LPIN1: variants seen among roughly 807,000 people sequenced by gnomAD.
The protein encoded by LPIN1 is lipin 1.
In LPIN1, 71 loss-of-function variants were observed where a neutral mutation model predicts 107.5. The observed-to-expected ratio is 0.66, with a 90% confidence interval of 0.55 to 0.80. The LOEUF (loss-of-function observed/expected upper bound fraction) is 0.80. LPIN1 is among the 30% of genes least tolerant of loss of function. LPIN1 has a pLI of 0.00. For synonymous variants in LPIN1, 445 were observed against 452.6 expected (o/e 0.98, Z 0.21); for missense variants, 1,043 against 1,160.6 (o/e 0.90, Z 1.47).
In LPIN1 at chr2:11,779,612, T is replaced by C; in HGVS notation, c.924T>C (p.Leu308=). 1 of 1,614,158 alleles carries C rather than the reference T, an allele frequency of 6.2e-7. No homozygotes were observed. The highest frequency in any genetic ancestry group is 1.7e-5 in the Admixed American group (1 of 60,030). The part of the protein sequence containing the change: ...ERTGQKNPEM[L]WLWGELPQAA... Reference sequence around the variant, plus strand: ...CAGGGCAGAAGAACCCAGAAATGCTTTGGCTGTGGGGAGAGCTGCCGCAGG... The same window carrying C: ...CAGGGCAGAAGAACCCAGAAATGCTCTGGCTGTGGGGAGAGCTGCCGCAGG... Residue 308 remains leucine (L), a synonymous_variant, in exon 7 of 21, where the codon CTT becomes CTC. Transcript: ENST00000674199.
At chr2:11,692,486 T>G (rs749206347) in intron 1 of LPIN1, among the ~76,000 whole-genome samples, 8 of 152,384 alleles carry the variant, frequency 5.2e-5, no homozygotes, top group Non-Finnish European at 7.3e-5. Context: ...TGATGTTGAC[T>G]CAGTAGATTT....
chr2:11,693,410 T>C (rs1405139462), intron 1 of LPIN1, among the ~76,000 whole-genome samples: 1 of 152,078 alleles, frequency 6.6e-6, no homozygotes, highest in Non-Finnish European at 1.5e-5. Flanking sequence ...GGTCTAAATC[T>C]AGAGCCCTGC....
Position 11,795,437 on chromosome 2 carries a change from C to T in LPIN1, c.1836C>T (p.Gly612=), listed in dbSNP as rs1676517298. The change falls in exon 14 of 21, where the codon GGC becomes GGT. Residue 612 remains glycine (G), a synonymous_variant. Transcript: ENST00000674199. ...GTAAGCCAGAGCAGTGCTTGGCTGG[C>T]AAGGCCCATAGCACCGGAGAGCAAC... The part of the protein sequence containing the change: ...EESKPEQCLA[G]KAHSTGEQPP... The T allele has an allele frequency of 1.2e-6, 2 of 1,613,974 alleles. No homozygotes were observed. Among genetic ancestry groups the T allele is most frequent in the Non-Finnish European group, 8.5e-7 (1 of 1,180,020 alleles).
At chr2:11,701,488 C>G (rs1662871650) in intron 1 of LPIN1, among the ~76,000 whole-genome samples, 1 of 152,066 alleles carries the variant, frequency 6.6e-6, no homozygotes, top group Non-Finnish European at 1.5e-5. Flanking sequence ...CAGCGCCGGC[C>G]CAGGTGGCAC....
intron 14 of LPIN1, among the ~76,000 whole-genome samples, chr2:11,796,308 A>G (rs1676707353): frequency 6.6e-6 from 1 of 152,180 alleles, no homozygotes; most frequent in African/African-American, 2.4e-5. Flanking sequence ...TCACTGAACC[A>G]CTGAGGTTTT....
chr2:11,749,651 G>A (rs1441007337), intron 1 of LPIN1, among the ~76,000 whole-genome samples: 3 of 152,196 alleles, frequency 2.0e-5, no homozygotes, highest in African/African-American at 7.2e-5. Context: ...TGGCCCAGGA[G>A]TCTTAAAACC....
At chr2:11,798,137 A>G (rs1471805162) in intron 14 of LPIN1, among the ~76,000 whole-genome samples, 1 of 152,206 alleles carries the variant, frequency 6.6e-6, no homozygotes, top group Non-Finnish European at 1.5e-5. Flanking sequence ...GCCTTCAGCC[A>G]TGATTGTAAG....
chr2:11,736,333 C>T (rs529332198), intron 1 of LPIN1, among the ~76,000 whole-genome samples: 26 of 152,328 alleles, frequency 1.7e-4, no homozygotes, highest in Admixed American at 5.9e-4. Flanking sequence ...ACTGGGGTGC[C>T]GGCAGGGTTG....
rs1208796065 is a variant in LPIN1, at chr2:11,765,349, G to GCCCTGATGGGCCCTGATGGA, written c.-9-172_-9-153dup. ...GATGGACACTGATGGGCCGTGATGGGCCCTGATGGGCCCTGATGGACCCTG... is the reference window on the plus strand; with the variant it reads ...GATGGACACTGATGGGCCGTGATGGGCCCTGATGGGCCCTGATGGACCCTGATGGGCCCTGATGGACCCTG... On this transcript the variant is annotated intron_variant, in intron 1 of 20. Coordinates refer to ENST00000674199, the MANE Select transcript of LPIN1 (RefSeq NM_001349206.2). This position sits in a 1 kb window ranked among gnomAD's most constrained non-coding sequence, Gnocchi z 4.4. Among the ~76,000 whole-genome samples the GCCCTGATGGGCCCTGATGGA allele has an allele frequency of 2.0e-5, 3 of 152,082 alleles. No individual in the cohort carries two copies. Among genetic ancestry groups the GCCCTGATGGGCCCTGATGGA allele is most frequent in the African/African-American group, 7.2e-5 (3 of 41,426 alleles).
In LPIN1 at chr2:11,805,223, G is replaced by A. The variant is rs1678468553; in HGVS notation, c.2249+67G>A. The A allele has an allele frequency of 4.1e-6, 5 of 1,234,252 alleles. No individual in the cohort carries two copies. In the African/African-American group the frequency reaches 4.4e-5, roughly 11 times the overall value. The allele number at this position is 1,234,252 out of a possible 1,614,324, so 76.5% of individuals were successfully genotyped here. The stretch of plus-strand genomic sequence containing the variant: ...GTGTGTGCACCGCACTCTGCATATG[G>A]AATCTTTCCTGTCCCAGCACGGGGT... On this transcript the variant is annotated intron_variant, in intron 17 of 20. Transcript: ENST00000674199.
chr2:11,783,798 G>A (rs1383253590), intron 8 of LPIN1, 31 bp from the exon 9 acceptor site: 2 of 1,581,902 alleles, frequency 1.3e-6, no homozygotes, highest in South Asian at 1.1e-5. Flanking sequence ...TAGAAGAGTG[G>A]TTTTCTGACT....
At chr2:11,737,456 A>G (rs1358602383) in intron 1 of LPIN1, among the ~76,000 whole-genome samples, 1 of 152,208 alleles carries the variant, frequency 6.6e-6, no homozygotes, top group African/African-American at 2.4e-5. Context: ...CAACCTACAG[A>G]ATGGGAGAAA....
At chr2:11,698,153 C>T (rs1372118030) in intron 1 of LPIN1, among the ~76,000 whole-genome samples, 5 of 152,158 alleles carry the variant, frequency 3.3e-5, no homozygotes, top group Admixed American at 2.0e-4. Flanking sequence ...GGGGCGGCTC[C>T]GGTGGCCATC....
intron 18 of LPIN1, 34 bp from the exon 19 acceptor site, chr2:11,819,448 CCT>C: frequency 7.8e-7 from 1 of 1,287,858 alleles, no homozygotes; most frequent in Non-Finnish European, 1.1e-6. Flanking sequence ...GGAAGCTTAG[CCT>C]CTCATGTTAA....
intron 14 of LPIN1, among the ~76,000 whole-genome samples, chr2:11,800,151 TTGC>T (rs1435429600): frequency 6.6e-6 from 1 of 152,226 alleles, no homozygotes; most frequent in African/African-American, 2.4e-5. Flanking sequence ...AATAGGTTGT[TTGC>T]TGTGCCATCG....
intron 17 of LPIN1, among the ~76,000 whole-genome samples, chr2:11,813,061 C>T (rs558364300): frequency 1.3e-4 from 20 of 152,146 alleles, no homozygotes; most frequent in Admixed American, 1.2e-3. Flanking sequence ...CAGGGGCCCC[C>T]GAGGAGTCTC....
intron 1 of LPIN1, among the ~76,000 whole-genome samples, chr2:11,710,022 T>A (rs1289234015): frequency 2.0e-5 from 3 of 152,220 alleles, no homozygotes; most frequent in Non-Finnish European, 4.4e-5. Flanking sequence ...TGATGGGAAT[T>A]CAATTTCAGC....
At chr2:11,812,882 G>A (rs1679918526) in intron 17 of LPIN1, among the ~76,000 whole-genome samples, 2 of 152,234 alleles carry the variant, frequency 1.3e-5, no homozygotes, top group South Asian at 2.1e-4. Flanking sequence ...AGGCCATGCG[G>A]TGTGGACGTG....
At chr2:11,734,388 T>A (rs905866934) in intron 1 of LPIN1, among the ~76,000 whole-genome samples, 8 of 152,228 alleles carry the variant, frequency 5.3e-5, no homozygotes, top group African/African-American at 1.9e-4. Flanking sequence ...AACTCACCCT[T>A]TTTTATAGCC....
Sources: allele counts gnomAD v4.1 joint callset (sites outside exome capture counted in the v4.1 genomes callset), GRCh38; gene constraint gnomAD v4.1.1; non-coding constraint Gnocchi (gnomAD v3.1); transcripts MANE v1.5; gene names NCBI Gene and HGNC (gene_info 2026-07-23, HGNC 2026-07-21).